The following SPAG1 variants were observed in gnomAD, a reference collection of about 807,000 sequenced individuals.
SPAG1 encodes sperm associated antigen 1.
Under a neutral mutation model 100.5 loss-of-function variants are expected in SPAG1, and 69 were observed. That is an observed-to-expected ratio of 0.69 (90% CI 0.57 to 0.84). SPAG1 has a LOEUF of 0.84. SPAG1 is among the 40% of genes least tolerant of loss of function. SPAG1 has a pLI of 0.00. For missense variants in SPAG1, 955 were observed against 1,133.1 expected (o/e 0.84, Z 2.26); for synonymous variants, 336 against 411.6 (o/e 0.82, Z 2.22).
At chr8:100,211,784 T>C (rs150637972) in intron 10 of SPAG1, among the ~76,000 whole-genome samples, 1 of 152,384 alleles carries the variant, frequency 6.6e-6, no homozygotes, top group East Asian at 1.9e-4. Flanking sequence ...GTGGGAATGA[T>C]AATACTTGGT....
rs368462376 is a variant in SPAG1, at chr8:100,191,243, G to GT, written c.833-146dup. Reference sequence around the variant, plus strand: ...TACCTCAGTGTCATCTCCTATGTGTGTATCAACATGAAAAAGGGTGTAGTT... The same window carrying GT: ...TACCTCAGTGTCATCTCCTATGTGTGTTATCAACATGAAAAAGGGTGTAGTT... On this transcript the variant is annotated intron_variant, in intron 8 of 18. Transcript: ENST00000388798. The GT allele has an allele frequency of 1.6e-3, 911 of 584,092 alleles. 2 individuals carry two copies. Among genetic ancestry groups the GT allele is most frequent in the Non-Finnish European group, 2.0e-3 (652 of 329,138 alleles). The allele number at this position is 584,092 out of a possible 1,614,324, so 36.2% of individuals were successfully genotyped here.
At chr8:100,195,635 G>A (rs1817001702) in intron 10 of SPAG1, among the ~76,000 whole-genome samples, 1 of 152,006 alleles carries the variant, frequency 6.6e-6, no homozygotes, top group Admixed American at 6.6e-5. Context: ...TCTTCTTAGG[G>A]TTTATATTGA....
Position 100,241,560 on chromosome 8 carries a change from T to C in SPAG1, c.*538T>C, listed in dbSNP as rs1158222048. 1 of 152,224 alleles carries C rather than the reference T, an allele frequency of 6.6e-6. No individual in the cohort carries two copies. Among genetic ancestry groups the C allele is most frequent in the Non-Finnish European group, 1.5e-5 (1 of 68,020 alleles). 9.4% of individuals were successfully genotyped at this position (152,224 alleles called of 1,614,324 possible). ...TAAATTGTTTATTAATTTAGAGCTA[T>C]AAGAGGAACTTATTTTTTCTAATAC... On this transcript the variant is annotated 3_prime_UTR_variant, in exon 19 of 19. Coordinates refer to ENST00000388798, the MANE Select transcript of SPAG1 (RefSeq NM_003114.5). This position sits in a 1 kb window ranked among gnomAD's most constrained non-coding sequence, Gnocchi z 5.1.
In SPAG1 at chr8:100,215,594, G is replaced by A. The variant is rs751255308; in HGVS notation, c.1535+1676G>A. Among the ~76,000 whole-genome samples the A allele has an allele frequency of 6.4e-4, 97 of 152,170 alleles. No homozygotes were observed. The Middle Eastern group carries it at 0.014, about 21-fold the overall frequency. On this transcript the variant is annotated intron_variant, in intron 12 of 18. Coordinates refer to ENST00000388798, the MANE Select transcript of SPAG1 (RefSeq NM_003114.5). ...CGCTCTGTTGCCCAGGCGCCATCTC[G>A]GCTCACTGCAAGCTCCGCCTCCTGG...
rs141827994 is a variant in SPAG1, at chr8:100,182,170, T to C, written c.427-1205T>C. ...TAAAGTTAATATTCCTTAGTACTTA[T>C]CTAGCAAAAAATTGTACCCTCTCTG... On this transcript the variant is annotated intron_variant, in intron 4 of 18. Coordinates refer to ENST00000388798, the MANE Select transcript of SPAG1 (RefSeq NM_003114.5). Among the ~76,000 whole-genome samples, 3 of 152,362 alleles carry C rather than the reference T, an allele frequency of 2.0e-5. No individual in the cohort carries two copies. In the East Asian group the frequency reaches 5.8e-4, roughly 29 times the overall value.
At position 100,213,225 on chromosome 8, in the gene SPAG1, A is replaced by C; in HGVS notation, c.1232A>C (p.Glu411Ala). ...GCGCCGCAGCGGGGCCAGACCCCGG[A>C]GGCCGGCGCGGACAAGCGGAGCCCA... ...RGAPQRGQTP[E>A]AGADKRSPRR... The change falls in exon 11 of 19, where the codon GAG becomes GCG. Residue 411 changes from glutamate to alanine, a missense_variant. Glu to Ala is a moderately radical substitution (Grantham distance 107, BLOSUM62 -1). Coordinates refer to ENST00000388798, the MANE Select transcript of SPAG1 (RefSeq NM_003114.5). The C allele has an allele frequency of 7.2e-7, 1 of 1,384,000 alleles. No homozygotes were observed. Among genetic ancestry groups the C allele is most frequent in the Admixed American group, 3.2e-5 (1 of 30,964 alleles). The allele number at this position is 1,384,000 out of a possible 1,614,324, so 85.7% of individuals were successfully genotyped here.
chr8:100,238,637 T>G (rs1819114739), intron 16 of SPAG1, among the ~76,000 whole-genome samples: 1 of 152,244 alleles, frequency 6.6e-6, no homozygotes, highest in Non-Finnish European at 1.5e-5. Flanking sequence ...CTTCAGTGTA[T>G]TGTGTGACTC....
intron 10 of SPAG1, among the ~76,000 whole-genome samples, chr8:100,197,787 T>C (rs762243069): frequency 6.6e-6 from 1 of 152,228 alleles, no homozygotes; most frequent in Non-Finnish European, 1.5e-5. Context: ...GACTGGGGTA[T>C]AACATAACTG....
At chr8:100,214,829 A>C (rs1220610232) in intron 12 of SPAG1, among the ~76,000 whole-genome samples, 2 of 151,176 alleles carry the variant, frequency 1.3e-5, no homozygotes, top group Non-Finnish European at 3.0e-5. Flanking sequence ...AAAATACAAA[A>C]ATTAGCTGGG....
chr8:100,194,640 G>A (rs150554866), intron 10 of SPAG1: 19 of 394,660 alleles, frequency 4.8e-5, no homozygotes, highest in Admixed American at 3.5e-4. Context: ...AAACAGGTAT[G>A]GGTAGCCCCA....
intron 7 of SPAG1, 142 bp from the exon 8 acceptor site, chr8:100,186,978 G>C (rs1315745077): frequency 3.3e-6 from 2 of 602,610 alleles, no homozygotes; most frequent in African/African-American, 3.8e-5. Context: ...GTGGGGTTAG[G>C]ACTTCAACAT....
chr8:100,180,475 A>G (rs893129393), intron 4 of SPAG1, among the ~76,000 whole-genome samples: 33 of 152,340 alleles, frequency 2.2e-4, no homozygotes, highest in African/African-American at 7.2e-4. Flanking sequence ...TACTTGTCAA[A>G]GGACAAAATT....
At chr8:100,183,287 T>C in intron 4 of SPAG1, 88 bp from the exon 5 acceptor site, 1 of 662,780 alleles carries the variant, frequency 1.5e-6, no homozygotes, top group Non-Finnish European at 2.7e-6. Flanking sequence ...TTTGTATATC[T>C]TAACCCAATA....
At chr8:100,207,461 G>A (rs546837199) in intron 10 of SPAG1, among the ~76,000 whole-genome samples, 3 of 152,354 alleles carry the variant, frequency 2.0e-5, no homozygotes, top group African/African-American at 7.2e-5. Context: ...TCACCCAAAA[G>A]TGGACAGCTA....
At chr8:100,223,836 A>T (rs529358804) in intron 13 of SPAG1, among the ~76,000 whole-genome samples, 39 of 151,322 alleles carry the variant, frequency 2.6e-4, no homozygotes, top group Middle Eastern at 6.8e-3. Flanking sequence ...ATTAATTTAA[A>T]TTTTTTTTTA....
At chr8:100,195,358 A>T (rs1004817703) in intron 10 of SPAG1, among the ~76,000 whole-genome samples, 1 of 152,174 alleles carries the variant, frequency 6.6e-6, no homozygotes, top group Non-Finnish European at 1.5e-5. Flanking sequence ...CAGTTCATTC[A>T]ATTTTAAAAA....
At chr8:100,179,673 G>A (rs556931286) in intron 4 of SPAG1, among the ~76,000 whole-genome samples, 6 of 152,234 alleles carry the variant, frequency 3.9e-5, no homozygotes, top group Admixed American at 1.3e-4. Context: ...CAGGCACCAC[G>A]TTGTATATAC....
At chr8:100,183,716 TAA>T (rs1426788146) in intron 5 of SPAG1, among the ~76,000 whole-genome samples, 1 of 152,152 alleles carries the variant, frequency 6.6e-6, no homozygotes, top group Non-Finnish European at 1.5e-5. Flanking sequence ...AAAATTGAGA[TAA>T]GTTAGTCAAA....
At chr8:100,160,873 C>T (rs1815278047) in intron 1 of SPAG1, among the ~76,000 whole-genome samples, 1 of 152,174 alleles carries the variant, frequency 6.6e-6, no homozygotes, top group African/African-American at 2.4e-5. Flanking sequence ...GCACCACAAC[C>T]TTCTCTGTCA....
Sources: gnomAD v4.1 joint callset for allele counts (sites outside exome capture counted in the v4.1 genomes callset) on GRCh38, gnomAD v4.1.1 for gene constraint, Gnocchi (gnomAD v3.1) non-coding constraint, MANE v1.5 for transcripts, NCBI Gene and HGNC (gene_info 2026-07-23, HGNC 2026-07-21) for gene names.